Variants in MACROD2 observed in about 807,000 individuals in gnomAD.
MACROD2 encodes the protein ADP-ribose glycohydrolase MACROD2.
A neutral mutation model predicts 70.4 loss-of-function variants in MACROD2; 36 were observed. The ratio of observed to expected loss-of-function variants is 0.51; its 90% CI spans 0.39 to 0.68. The LOEUF (loss-of-function observed/expected upper bound fraction) is 0.68. Among genes scored for constraint, MACROD2 ranks in the 30% least tolerant of loss-of-function variants. The pLI, the probability that MACROD2 is intolerant of heterozygous loss-of-function variation, is 0.00. For missense variants in MACROD2, 496 were observed against 538.4 expected, an observed-to-expected ratio of 0.92 and a Z score of 0.78; for synonymous variants, 172 against 178.8, an observed-to-expected ratio of 0.96 and a Z score of 0.30.
intron 6 of MACROD2, among the ~76,000 whole-genome samples, chr20:15,410,992 A>G (rs1050513131): frequency 1.3e-5 from 2 of 152,128 alleles, no homozygotes; most frequent in Non-Finnish European, 2.9e-5. Flanking sequence ...TTGAACACCA[A>G]TCGTTTCACC....
At chr20:15,264,218 A>G (rs2077273125) in intron 6 of MACROD2, among the ~76,000 whole-genome samples, 1 of 152,190 alleles carries the variant, frequency 6.6e-6, no homozygotes, top group Admixed American at 6.5e-5. Flanking sequence ...CTTTGAATAA[A>G]AGGAAGTTCA....
chr20:14,768,584 A>C (rs1182790630), intron 5 of MACROD2, among the ~76,000 whole-genome samples: 1 of 151,772 alleles, frequency 6.6e-6, no homozygotes, highest in Admixed American at 6.6e-5. Flanking sequence ...CTTCCAAAGC[A>C]CTGGGATTAC....
chr20:15,019,171 G>A (rs977342789), intron 5 of MACROD2, among the ~76,000 whole-genome samples: 26 of 151,986 alleles, frequency 1.7e-4, no homozygotes, highest in Admixed American at 1.2e-3. Context: ...ACACGCGCGC[G>A]CGCGCGCGGA....
chr20:15,054,405 A>T (rs1481589496), intron 5 of MACROD2, among the ~76,000 whole-genome samples: 2 of 152,196 alleles, frequency 1.3e-5, no homozygotes, highest in African/African-American at 4.8e-5. Flanking sequence ...ATCAGTCAGC[A>T]GCCATCACCA....
chr20:14,929,038 CTAAT>C (rs1423343468), intron 5 of MACROD2, among the ~76,000 whole-genome samples: 1 of 152,156 alleles, frequency 6.6e-6, no homozygotes, highest in African/African-American at 2.4e-5. Flanking sequence ...ATGAGAGAAA[CTAAT>C]TAATTGCTGA....
intron 5 of MACROD2, among the ~76,000 whole-genome samples, chr20:14,815,633 A>G (rs1444077828): frequency 6.6e-6 from 1 of 152,064 alleles, no homozygotes; most frequent in Middle Eastern, 3.2e-3. Flanking sequence ...TACTAGGCTA[A>G]TTATTCTGTG....
intron 5 of MACROD2, among the ~76,000 whole-genome samples, chr20:14,718,304 A>G (rs1705096432): frequency 6.7e-6 from 1 of 150,304 alleles, no homozygotes; most frequent in African/African-American, 2.4e-5. Context: ...AAAAAAAAAA[A>G]AAAAAAAAAA....
chr20:15,134,223 G>T (rs1281229267), intron 5 of MACROD2, among the ~76,000 whole-genome samples: 31 of 143,498 alleles, frequency 2.2e-4, no homozygotes. Context: ...TAATCTTAAA[G>T]GTCTTCCAAC....
intron 8 of MACROD2, among the ~76,000 whole-genome samples, chr20:15,845,875 G>C (rs1265445913): frequency 3.3e-5 from 5 of 152,106 alleles, no homozygotes; most frequent in Non-Finnish European, 7.3e-5. Flanking sequence ...CACTGGAAGT[G>C]GCCAATCCCA....
intron 3 of MACROD2, among the ~76,000 whole-genome samples, chr20:14,144,053 T>G (rs887266244): frequency 6.6e-6 from 1 of 152,120 alleles, no homozygotes; most frequent in Non-Finnish European, 1.5e-5. Flanking sequence ...TAGGAGATTT[T>G]AGGGAGAAAA....
chr20:15,144,247 T>C (rs369438), intron 5 of MACROD2, among the ~76,000 whole-genome samples: 89,554 of 151,918 alleles, frequency 0.59, 26,536 homozygotes, highest in East Asian at 0.65. Flanking sequence ...CCACTGCACC[T>C]GGCCTACAAT....
At chr20:14,348,335 C>T (rs2083085762) in intron 3 of MACROD2, among the ~76,000 whole-genome samples, 1 of 150,518 alleles carries the variant, frequency 6.6e-6, no homozygotes, top group African/African-American at 2.4e-5. Context: ...GGTATTAGAA[C>T]ATGGAATAAA....
chr20:14,400,372 AATTGGAACAT>A (rs2083625260), intron 3 of MACROD2, among the ~76,000 whole-genome samples: 1 of 152,172 alleles, frequency 6.6e-6, no homozygotes, highest in South Asian at 2.1e-4. Context: ...CATTCTGGCT[AATTGGAACAT>A]AAACTTTCCC....
At chr20:15,841,697 G>A (rs572302202) in intron 8 of MACROD2, among the ~76,000 whole-genome samples, 2 of 152,100 alleles carry the variant, frequency 1.3e-5, no homozygotes, top group African/African-American at 2.4e-5. Flanking sequence ...ACAATGCAAT[G>A]TAAGATGTAG....
chr20:14,778,303 C>A (rs548213357), intron 5 of MACROD2, among the ~76,000 whole-genome samples: 1 of 152,096 alleles, frequency 6.6e-6, no homozygotes, highest in South Asian at 2.1e-4. Flanking sequence ...GCGCCCTGTC[C>A]GGTAGGAGCA....
At position 14,326,433 on chromosome 20, in the gene MACROD2, A is replaced by G. The variant is rs1568558212; in HGVS notation, c.272-167046A>G. On this transcript the variant is annotated intron_variant, in intron 3 of 17. Transcript: ENST00000684519. The surrounding 1 kb of genome is among the most constrained non-coding windows in gnomAD (Gnocchi z 5.5). ...TTATCTGAATGGTGCTTACAATCCC[A>G]CTGTCCTTACAATCAAACAGTTCTG... 28 of 1,613,848 alleles carry G rather than the reference A, an allele frequency of 1.7e-5. No individual in the cohort carries two copies. The highest frequency in any genetic ancestry group is 2.3e-5 in the Non-Finnish European group (27 of 1,179,862).
intron 4 of MACROD2, among the ~76,000 whole-genome samples, chr20:14,496,726 C>T (rs1375134239): frequency 6.7e-6 from 1 of 148,540 alleles, no homozygotes; most frequent in Non-Finnish European, 1.5e-5. Context: ...TTGATCACTT[C>T]TGTTCATAGT....
At chr20:14,016,254 T>C (rs2148620717) in intron 2 of MACROD2, among the ~76,000 whole-genome samples, 1 of 152,350 alleles carries the variant, frequency 6.6e-6, no homozygotes, top group South Asian at 2.1e-4. Flanking sequence ...AAATCCTTTG[T>C]CCATTGTTGA....
At chr20:14,035,318 A>G (rs899931288) in intron 2 of MACROD2, among the ~76,000 whole-genome samples, 4 of 152,172 alleles carry the variant, frequency 2.6e-5, no homozygotes, top group African/African-American at 4.8e-5. Context: ...TTATTCATGT[A>G]TTAATTAATA....
Sources: gnomAD v4.1 joint callset for allele counts (sites outside exome capture counted in the v4.1 genomes callset) on GRCh38, gnomAD v4.1.1 for gene constraint, Gnocchi (gnomAD v3.1) non-coding constraint, MANE v1.5 for transcripts, NCBI Gene and HGNC (gene_info 2026-07-23, HGNC 2026-07-21) for gene names.